Variants in ARHGAP17 observed in about 807,000 individuals in gnomAD.
The protein encoded by ARHGAP17 is Rho GTPase activating protein 17, also known as rho GTPase-activating protein 17.
A neutral mutation model predicts 99.5 loss-of-function variants in ARHGAP17; 57 were observed. The observed-to-expected ratio is 0.57, with a 90% CI of 0.46 to 0.71. The LOEUF is 0.71. Ranked by LOEUF, ARHGAP17 falls within the 30% of genes least tolerant of loss-of-function variation. The probability of loss-of-function intolerance (pLI) is 0.00; values close to 1 mark genes in which losing one functional copy is unlikely to be tolerated. For missense variants in ARHGAP17, 1,000 were observed against 1,122.4 expected (o/e 0.89, Z 1.56); for synonymous variants, 417 against 429.6 (o/e 0.97, Z 0.36).
rs776112161 is a variant in ARHGAP17, at chr16:24,972,056, A to C, written c.199-1476T>G. On this transcript the variant is annotated intron_variant, in intron 3 of 19. Transcript: ENST00000289968. ...ATGTAATTTCACCTGCCCAGCAGAA[A>C]GGGCATTCATGTTAAAAACACAGGG... 7.0e-4 allele frequency among the ~76,000 whole-genome samples: 106 copies of C among 152,360 alleles called. 3 individuals are homozygous for C. The highest frequency in any genetic ancestry group is 3.4e-3 in the Middle Eastern group (1 of 294).
At chr16:24,981,969 T>C (rs2052686782) in intron 1 of ARHGAP17, among the ~76,000 whole-genome samples, 1 of 152,232 alleles carries the variant, frequency 6.6e-6, no homozygotes, top group Non-Finnish European at 1.5e-5. Context: ...CTGAAAACTA[T>C]ATTGAATATA....
chr16:25,015,166 C>A lies in ARHGAP17; in HGVS notation c.53+43G>T, dbSNP rs1441291486. On this transcript the variant is annotated intron_variant, in intron 1 of 19. Coordinates refer to ENST00000289968, the MANE Select transcript of ARHGAP17 (RefSeq NM_001006634.3). ...CCGCCCCCGCGCCCTCCGCCCTCCG[C>A]CCCCAGCCCCGGTGCGACCCCCGTG... The A allele has an allele frequency of 2.4e-6, 3 of 1,251,276 alleles. No homozygotes were observed. In the African/African-American group the frequency reaches 4.7e-5, roughly 20 times the overall value. The allele number at this position is 1,251,276 out of a possible 1,614,324, so 77.5% of individuals were successfully genotyped here. A position where few individuals can be genotyped will look rare whatever the true frequency, so the allele number is the denominator to read the frequency against.
intron 1 of ARHGAP17, among the ~76,000 whole-genome samples, chr16:25,001,274 A>G (rs2053353427): frequency 6.6e-6 from 1 of 151,912 alleles, no homozygotes; most frequent in Non-Finnish European, 1.5e-5. Flanking sequence ...ACAAAAAAAA[A>G]TACCTGGGAA....
intron 19 of ARHGAP17, among the ~76,000 whole-genome samples, chr16:24,929,004 C>T (rs1241858275): frequency 6.6e-6 from 1 of 152,070 alleles, no homozygotes; most frequent in Non-Finnish European, 1.5e-5. Flanking sequence ...AAAATTAAAG[C>T]TCAAGACACA....
intron 1 of ARHGAP17, among the ~76,000 whole-genome samples, chr16:25,010,604 A>G (rs2053619448): frequency 6.6e-6 from 1 of 152,206 alleles, no homozygotes; most frequent in Admixed American, 6.5e-5. Flanking sequence ...AAAAAGAGGG[A>G]CTGTCAATTT....
chr16:25,005,493 C>G (rs929115893), intron 1 of ARHGAP17, among the ~76,000 whole-genome samples: 13 of 152,132 alleles, frequency 8.5e-5, no homozygotes, highest in Non-Finnish European at 4.4e-5. Context: ...TTAACAGCAC[C>G]TAAGATCTGC....
At chr16:25,002,331 G>A (rs1414185925) in intron 1 of ARHGAP17, among the ~76,000 whole-genome samples, 4 of 152,006 alleles carry the variant, frequency 2.6e-5, no homozygotes, top group African/African-American at 9.7e-5. Flanking sequence ...GGTGTTCAAT[G>A]TTCTTCCCAG....
rs144991183 is a variant in ARHGAP17 at position 24,931,016 on chromosome 16, G to A, written c.2283C>T (p.Pro761=). ...TCTGTTTTCCTAGGGGCGGAGTACT[G>A]GGGGGCGTTGGAGTCTGGGGAGGGG... ...SHTPPQTPTP[P]STPPLGKQNP... Residue 761 remains proline, a synonymous_variant, in exon 19 of 20, where the codon CCC becomes CCT. Coordinates refer to ENST00000289968, the MANE Select transcript of ARHGAP17 (RefSeq NM_001006634.3). 3 of 1,612,802 alleles carry A rather than the reference G, an allele frequency of 1.9e-6. No homozygotes were observed. In the African/African-American group the frequency reaches 4.0e-5, roughly 22 times the overall value.
Position 24,931,228 on chromosome 16 carries a change from C to T in ARHGAP17, c.2071G>A (p.Ala691Thr), listed in dbSNP as rs770746078. 24 of 1,263,020 alleles carry T rather than the reference C, an allele frequency of 1.9e-5. No homozygotes were observed. The highest frequency in any genetic ancestry group is 2.3e-4 in the Middle Eastern group (1 of 4,438). The allele number at this position is 1,263,020 out of a possible 1,614,324, so 78.2% of individuals were successfully genotyped here. A position where few individuals can be genotyped will look rare whatever the true frequency, so the allele number is the denominator to read the frequency against. ...CGGGGTGCTGAGAGCTGGGAGGGGGCGGAGGGCTGGCCTGGAGGCTGGCCC... is the reference window on the plus strand; with the variant it reads ...CGGGGTGCTGAGAGCTGGGAGGGGGTGGAGGGCTGGCCTGGAGGCTGGCCC... ...HTGQPPGQPS[A>T]PSQLSAPRRY... The change falls in exon 19 of 20, where the codon GCC becomes ACC. Residue 691 changes from alanine (A) to threonine (T), a missense_variant. Physicochemically the swap from Ala to Thr is moderately conservative, Grantham distance 58. This residue lies in a region of ARHGAP17 where 528 missense variants were observed against 511.4 expected (regional missense o/e 1.03). Transcript: ENST00000289968.
At chr16:25,007,350 T>C (rs1288644933) in intron 1 of ARHGAP17, among the ~76,000 whole-genome samples, 2 of 152,164 alleles carry the variant, frequency 1.3e-5, no homozygotes, top group Admixed American at 1.3e-4. Flanking sequence ...AGAAAGTAGT[T>C]CATTACGAAT....
chr16:24,975,688 A>T (rs2052493815), intron 3 of ARHGAP17, among the ~76,000 whole-genome samples: 1 of 152,210 alleles, frequency 6.6e-6, no homozygotes, highest in South Asian at 2.1e-4. Context: ...TACTATTAAT[A>T]GTTCTCACTT....
rs375497991 is a variant in ARHGAP17, at chr16:24,925,796, CCTT to C, written c.2515+4985_2515+4987del. Reference sequence around the variant, plus strand: ...GTCAAATAATTATGCTCATGTACCTCCTTGCCTTCTAGAAAAACTAAAAGAAAA... The same window carrying C: ...GTCAAATAATTATGCTCATGTACCTCGCCTTCTAGAAAAACTAAAAGAAAA... On this transcript the variant is annotated intron_variant, in intron 19 of 19. Coordinates refer to ENST00000289968, the MANE Select transcript of ARHGAP17 (RefSeq NM_001006634.3). Among the ~76,000 whole-genome samples the C allele has an allele frequency of 1.1e-3, 167 of 152,250 alleles. No homozygotes were observed. The South Asian group carries it at 0.024, about 22-fold the overall frequency.
At chr16:24,983,268 G>C (rs778998492) in intron 1 of ARHGAP17, among the ~76,000 whole-genome samples, 2 of 151,332 alleles carry the variant, frequency 1.3e-5, no homozygotes, top group African/African-American at 4.9e-5. Context: ...GTCTCCCAGA[G>C]TGCTGGGATT....
At chr16:24,970,873 ATTATTT>A (rs2052341139) in intron 3 of ARHGAP17, among the ~76,000 whole-genome samples, 1 of 151,908 alleles carries the variant, frequency 6.6e-6, no homozygotes, top group Non-Finnish European at 1.5e-5. Flanking sequence ...TCTGCTTATT[ATTATTT>A]TTGTTTGTTT....
At chr16:24,939,307 C>T in intron 17 of ARHGAP17, 57 bp downstream of exon 17, 1 of 1,483,514 alleles carries the variant, frequency 6.7e-7, no homozygotes, top group Non-Finnish European at 9.0e-7. Flanking sequence ...AAGGCCACCA[C>T]CTGCAAGAAG....
chr16:24,997,823 G>C (rs1487696062), intron 1 of ARHGAP17, among the ~76,000 whole-genome samples: 1 of 152,206 alleles, frequency 6.6e-6, no homozygotes, highest in Non-Finnish European at 1.5e-5. Context: ...AATGAGGTCA[G>C]CTCTGGAAAT....
intron 6 of ARHGAP17, among the ~76,000 whole-genome samples, chr16:24,964,846 C>T (rs978883681): frequency 4.6e-5 from 7 of 152,122 alleles, no homozygotes; most frequent in East Asian, 1.9e-4. Flanking sequence ...CGGTGGCTCA[C>T]GCCTGTAATC....
Position 24,939,539 on chromosome 16 carries a change from T to C in ARHGAP17, c.1549A>G (p.Lys517Glu). ...GGCTGGAAAGCGGGGGATATGTGCT[T>C]TCTATTTAGAGTGCCACCCCGCCGG... ...AHRRGGTLNR[K>E]HISPAFQPPL... is the part of the protein sequence containing the mutation. Residue 517 changes from lysine to glutamate, a missense_variant, in exon 17 of 20, where the codon AAG becomes GAG. Lys to Glu is a moderately conservative substitution (Grantham distance 56). Around this residue, in one of 2 missense-constraint regions of ARHGAP17, gnomAD observed 528 missense variants for 511.4 expected, o/e 1.03. Coordinates refer to ENST00000289968, the MANE Select transcript of ARHGAP17 (RefSeq NM_001006634.3). The C allele has an allele frequency of 6.2e-7, 1 of 1,608,544 alleles. No homozygotes were observed.
rs139371583 is a variant in ARHGAP17 at position 24,970,162 on chromosome 16, G to T, written c.272+345C>A. ...AACGATGTGACTAAGAACTGAAAGG[G>T]TCTGGTCAGAGTTTCTAAATCTGAG... On this transcript the variant is annotated intron_variant, in intron 4 of 19. Coordinates refer to ENST00000289968, the MANE Select transcript of ARHGAP17 (RefSeq NM_001006634.3). Among the ~76,000 whole-genome samples, 1,187 of 152,274 alleles carry T rather than the reference G, an allele frequency of 7.8e-3. 18 individuals carry two copies. The highest frequency in any genetic ancestry group is 0.027 in the African/African-American group (1,138 of 41,556).
Sources: gnomAD v4.1 joint callset for allele counts (sites outside exome capture counted in the v4.1 genomes callset) on GRCh38, gnomAD v4.1.1 for gene constraint, gnomAD v4.1.1 regional missense constraint, MANE v1.5 for transcripts, NCBI Gene and HGNC (gene_info 2026-07-23, HGNC 2026-07-21) for gene names.